FANCC: variants seen among roughly 807,000 people sequenced by gnomAD.
FANCC encodes Fanconi anemia group C protein.
In FANCC, 55 loss-of-function variants were observed where a neutral mutation model predicts 71.3. The ratio of observed to expected loss-of-function variants is 0.77; its 90% CI spans 0.62 to 0.97. The LOEUF is 0.97. Ranked by LOEUF, FANCC falls within the 50% of genes least tolerant of loss-of-function variation. The pLI is 0.00. For missense variants in FANCC, 678 were observed against 670.9 expected, an observed-to-expected ratio of 1.01 and a Z score of -0.12; for synonymous variants, 275 against 244.9, an observed-to-expected ratio of 1.12 and a Z score of -1.15.
intron 6 of FANCC, among the ~76,000 whole-genome samples, chr9:95,168,473 A>AC (rs1363678095): frequency 1.3e-5 from 2 of 152,236 alleles, no homozygotes; most frequent in African/African-American, 4.8e-5. Flanking sequence ...AGCCATGGTC[A>AC]CCCGTGGTCC....
In FANCC at chr9:95,274,218, C is replaced by T. The variant is rs551942385; in HGVS notation, c.-78-24849G>A. ...GACCCTGGTGTGTGATGTTCCCCTC[C>T]CTGTGTCCATGTGTTCTCACTGTTC... is the stretch of plus-strand genomic sequence containing the variant. On this transcript the variant is annotated intron_variant, in intron 1 of 14. Transcript: ENST00000289081. Among the ~76,000 whole-genome samples the T allele has an allele frequency of 1.2e-4, 19 of 152,242 alleles. 1 individual carries two copies. The South Asian group carries it at 3.9e-3, about 32-fold the overall frequency.
intron 4 of FANCC, among the ~76,000 whole-genome samples, chr9:95,219,398 T>C (rs967106625): frequency 6.6e-6 from 1 of 152,138 alleles, no homozygotes; most frequent in Admixed American, 6.5e-5. Context: ...CTTAGGCCTT[T>C]ACACTGGGCT....
intron 8 of FANCC, among the ~76,000 whole-genome samples, chr9:95,131,649 CTT>C (rs1826929101): frequency 6.6e-6 from 1 of 152,182 alleles, no homozygotes; most frequent in Admixed American, 6.5e-5. Flanking sequence ...TACTTCAGCT[CTT>C]GTTCAATTAC....
At chr9:95,134,019 C>A (rs1827276762) in intron 8 of FANCC, among the ~76,000 whole-genome samples, 1 of 152,192 alleles carries the variant, frequency 6.6e-6, no homozygotes, top group South Asian at 2.1e-4. Flanking sequence ...CTCTCTCAGT[C>A]TTAATATACA....
chr9:95,183,910 T>TA (rs1826543382), intron 4 of FANCC, among the ~76,000 whole-genome samples: 1 of 152,238 alleles, frequency 6.6e-6, no homozygotes, highest in Non-Finnish European at 1.5e-5. Context: ...AAGCTTTTGT[T>TA]AGTTCCATCC....
chr9:95,185,810 A>T (rs929220578), intron 4 of FANCC, among the ~76,000 whole-genome samples: 2 of 152,200 alleles, frequency 1.3e-5, no homozygotes, highest in African/African-American at 4.8e-5. Flanking sequence ...ATGTTTTCGG[A>T]AACACTTGTC....
At chr9:95,162,040 C>T (rs140239681) in intron 6 of FANCC, among the ~76,000 whole-genome samples, 113 of 152,250 alleles carry the variant, frequency 7.4e-4, no homozygotes, top group African/African-American at 2.6e-3. Flanking sequence ...TGGAGTTTCG[C>T]CGTGTTGGCC....
rs757984397 is a variant in FANCC at position 95,125,077 on chromosome 9, A to G, written c.996+9T>C. Reference sequence around the variant, plus strand: ...GGGATGAATGAGTAATATATGTGATATAACAAACCTGCTTGCTTGCTTTCT... The same window carrying G: ...GGGATGAATGAGTAATATATGTGATGTAACAAACCTGCTTGCTTGCTTTCT... On this transcript the variant is annotated intron_variant, in intron 10 of 14. Coordinates refer to ENST00000289081, the MANE Select transcript of FANCC (RefSeq NM_000136.3). The G allele has an allele frequency of 1.2e-6, 2 of 1,611,616 alleles. No homozygotes were observed. The highest frequency in any genetic ancestry group is 1.7e-5 in the Admixed American group (1 of 60,030).
chr9:95,145,671 C>T (rs779474069), intron 7 of FANCC, among the ~76,000 whole-genome samples: 4 of 152,168 alleles, frequency 2.6e-5, no homozygotes, highest in Non-Finnish European at 5.9e-5. Context: ...AGCAGTGATA[C>T]TGCCGCACGC....
chr9:95,121,636 G>GACT (rs1281528025), intron 10 of FANCC, among the ~76,000 whole-genome samples: 2 of 152,118 alleles, frequency 1.3e-5, no homozygotes, highest in African/African-American at 4.8e-5. Flanking sequence ...TTTCACAATG[G>GACT]ACTATGCATA....
chr9:95,183,411 T>C (rs1295451131), intron 4 of FANCC, among the ~76,000 whole-genome samples: 1 of 152,192 alleles, frequency 6.6e-6, no homozygotes, highest in Non-Finnish European at 1.5e-5. Context: ...ACAATAGTCA[T>C]TCAATAAAGA....
At chr9:95,210,989 G>A (rs1230241090) in intron 4 of FANCC, among the ~76,000 whole-genome samples, 1 of 152,088 alleles carries the variant, frequency 6.6e-6, no homozygotes, top group Non-Finnish European at 1.5e-5. Flanking sequence ...AAAATTTCTT[G>A]AAGGCTTACC....
intron 1 of FANCC, among the ~76,000 whole-genome samples, chr9:95,315,961 T>A (rs1183977385): frequency 6.6e-6 from 1 of 152,238 alleles, no homozygotes; most frequent in African/African-American, 2.4e-5. Context: ...CAGCAACACA[T>A]CTTCCACAAC....
At chr9:95,202,907 T>A (rs576218632) in intron 4 of FANCC, among the ~76,000 whole-genome samples, 1 of 152,194 alleles carries the variant, frequency 6.6e-6, no homozygotes, top group Non-Finnish European at 1.5e-5. Context: ...TGGCATGAGA[T>A]CACATATGAA....
At chr9:95,243,443 GACTT>G (rs1445521176) in intron 3 of FANCC, among the ~76,000 whole-genome samples, 2 of 151,832 alleles carry the variant, frequency 1.3e-5, no homozygotes, top group African/African-American at 4.8e-5. Context: ...CACTACATAT[GACTT>G]ACTTTTTTCC....
At chr9:95,178,738 T>C (rs1054285942) in intron 4 of FANCC, among the ~76,000 whole-genome samples, 35 of 152,256 alleles carry the variant, frequency 2.3e-4, no homozygotes, top group African/African-American at 8.0e-4. Context: ...TACAAGTATG[T>C]ATGTTTAAGC....
chr9:95,266,859 ATC>A (rs1288415069), intron 1 of FANCC, among the ~76,000 whole-genome samples: 2 of 152,200 alleles, frequency 1.3e-5, no homozygotes, highest in African/African-American at 4.8e-5. Flanking sequence ...AAAACCAAGT[ATC>A]TTTCTTTCCT....
chr9:95,135,263 C>G (rs1403660291), intron 8 of FANCC, 83 bp downstream of exon 8: 10 of 1,331,672 alleles, frequency 7.5e-6, no homozygotes, highest in Non-Finnish European at 3.2e-6. Context: ...GTTTACATCC[C>G]CCCCTTTCAT....
chr9:95,134,751 G>A (rs1263688892), intron 8 of FANCC, among the ~76,000 whole-genome samples: 1 of 152,218 alleles, frequency 6.6e-6, no homozygotes, highest in Non-Finnish European at 1.5e-5. Context: ...GAGAGCCCAG[G>A]GTGCCAGACA....
Sources: gnomAD v4.1 joint callset for allele counts (sites outside exome capture counted in the v4.1 genomes callset) on GRCh38, gnomAD v4.1.1 for gene constraint, MANE v1.5 for transcripts, NCBI Gene and HGNC (gene_info 2026-07-23, HGNC 2026-07-21) for gene names.